RRP15: variants seen among roughly 807,000 people sequenced by gnomAD.
RRP15 encodes the protein ribosomal RNA processing 15 homolog.
RRP15 carries 18 observed loss-of-function variants against 27.1 expected under a neutral mutation model. The observed-to-expected ratio is 0.66, with a 90% CI of 0.46 to 0.98. The LOEUF is 0.98. RRP15 is among the 50% of genes least tolerant of loss of function. The pLI is 0.00. For missense variants in RRP15, 359 were observed against 337.8 expected (o/e 1.06, Z -0.49); for synonymous variants, 107 against 109.4 (o/e 0.98, Z 0.14).
intron 2 of RRP15, among the ~76,000 whole-genome samples, chr1:218,303,007 T>C (rs578076086): frequency 6.6e-6 from 1 of 152,286 alleles, no homozygotes; most frequent in Admixed American, 6.5e-5. Flanking sequence ...ACGGATTATT[T>C]CAGTGTTAGA....
At chr1:218,289,834 C>T (rs1053292210) in intron 1 of RRP15, among the ~76,000 whole-genome samples, 2 of 152,154 alleles carry the variant, frequency 1.3e-5, no homozygotes, top group Non-Finnish European at 2.9e-5. Context: ...AGGCATGCAC[C>T]ACCACACCCA....
intron 4 of RRP15, among the ~76,000 whole-genome samples, chr1:218,307,970 T>A (rs1655927089): frequency 6.6e-6 from 1 of 151,996 alleles, no homozygotes; most frequent in Non-Finnish European, 1.5e-5. Context: ...TCTTTAGTGA[T>A]GTTTGGTTGA....
chr1:218,302,755 A>G, intron 2 of RRP15, 196 bp downstream of exon 2: 1 of 797,866 alleles, frequency 1.3e-6, no homozygotes, highest in East Asian at 2.9e-5. Flanking sequence ...CTTTTTAATC[A>G]TCTATGCAAA....
chr1:218,311,051 A>G (rs1448210566), intron 4 of RRP15, among the ~76,000 whole-genome samples: 1 of 152,088 alleles, frequency 6.6e-6, no homozygotes, highest in Non-Finnish European at 1.5e-5. Context: ...GCCCAGCCGA[A>G]CAAGTCATTT....
intron 3 of RRP15, among the ~76,000 whole-genome samples, chr1:218,305,692 G>C (rs958867075): frequency 5.3e-5 from 8 of 152,184 alleles, no homozygotes; most frequent in African/African-American, 1.9e-4. Flanking sequence ...GGGAGAGTTT[G>C]AGAAGGCATT....
chr1:218,297,040 G>A (rs537593813), intron 1 of RRP15, among the ~76,000 whole-genome samples: 13 of 152,160 alleles, frequency 8.5e-5, no homozygotes, highest in Admixed American at 3.3e-4. Flanking sequence ...TGTGCTAAGC[G>A]CTTTTCATGT....
Position 218,302,522 on chromosome 1 carries a change from A to G in RRP15, c.368A>G (p.Glu123Gly). The G allele has an allele frequency of 6.2e-7, 1 of 1,613,436 alleles. No individual in the cohort carries two copies. Among genetic ancestry groups the G allele is most frequent in the East Asian group, 2.2e-5 (1 of 44,880 alleles). ...VKNKKLEKEKEKLKQERLEKI... is the reference protein window; with the variant it reads ...VKNKKLEKEKGKLKQERLEKI... The stretch of plus-strand genomic sequence containing the variant: ...AATAAGAAGCTGGAAAAGGAAAAAG[A>G]AAAGTTAAAGCAAGAAAGACTAGAG... Residue 123 changes from glutamate (E) to glycine (G), a missense_variant, in exon 2 of 5, where the codon GAA becomes GGA. Coordinates refer to ENST00000366932, the MANE Select transcript of RRP15 (RefSeq NM_016052.4).
At chr1:218,329,237 CAAAAAAAAAAAAAAAA>C (rs1164512474) in intron 4 of RRP15, among the ~76,000 whole-genome samples, 8 of 53,576 alleles carry the variant, frequency 1.5e-4, no homozygotes, top group South Asian at 1.5e-3. Context: ...CCTGTCTCTA[CAAAAAAAAAAAAAAAA>C]AAAAAAAAAA....
chr1:218,309,245 ATTTC>A (rs2102503317), intron 4 of RRP15, among the ~76,000 whole-genome samples: 1 of 152,196 alleles, frequency 6.6e-6, no homozygotes, highest in African/African-American at 2.4e-5. Context: ...ACCCTGACAT[ATTTC>A]TTTCTTTTAA....
Position 218,302,381 on chromosome 1 carries a change from A to C in RRP15, c.227A>C (p.Lys76Thr), listed in dbSNP as rs1655825240. ...DSEGDAEPCD[K>T]ENENDGESSV... ...GAGGGTGATGCTGAGCCCTGTGACA[A>C]AGAAAATGAAAATGATGGAGAATCA... Residue 76 changes from lysine (K) to threonine (T), a missense_variant, in exon 2 of 5, where the codon AAA becomes ACA. Coordinates refer to ENST00000366932, the MANE Select transcript of RRP15 (RefSeq NM_016052.4). The C allele has an allele frequency of 1.2e-6, 2 of 1,614,006 alleles. No individual in the cohort carries two copies. Among genetic ancestry groups the C allele is most frequent in the Non-Finnish European group, 1.7e-6 (2 of 1,180,020 alleles).
rs1461970879 is a variant in RRP15 at position 218,334,765 on chromosome 1, G to A, written c.*3674G>A. On this transcript the variant is annotated 3_prime_UTR_variant, in exon 5 of 5. Coordinates refer to ENST00000366932, the MANE Select transcript of RRP15 (RefSeq NM_016052.4). ...TATTATGGGTATGAAGACTATTTGAGGTGAATTGGCAGTGAGAGCAAATTT... is the reference window on the plus strand; with the variant it reads ...TATTATGGGTATGAAGACTATTTGAAGTGAATTGGCAGTGAGAGCAAATTT... 6.6e-6 allele frequency: 1 copy of A among 152,170 alleles called. No homozygotes were observed. The highest frequency in any genetic ancestry group is 2.4e-5 in the African/African-American group (1 of 41,436). 9.4% of individuals were successfully genotyped at this position (152,170 alleles called of 1,614,324 possible).
rs577153227 is a variant in RRP15 at position 218,314,789 on chromosome 1, G to A, written c.705+7157G>A. ...AGGCTGATCACAAGGTCAGGAGATC[G>A]AAACCATCCTGGCCAACATGGTGAA... On this transcript the variant is annotated intron_variant, in intron 4 of 4. Transcript: ENST00000366932. 4.7e-4 allele frequency among the ~76,000 whole-genome samples: 72 copies of A among 151,792 alleles called. 2 individuals are homozygous for A. In the South Asian group the frequency reaches 0.011, roughly 24 times the overall value.
intron 1 of RRP15, among the ~76,000 whole-genome samples, chr1:218,286,068 C>T (rs1451262509): frequency 1.3e-5 from 2 of 152,162 alleles, no homozygotes; most frequent in African/African-American, 4.8e-5. Flanking sequence ...TTGGCACCAG[C>T]TTATTAGGTT....
intron 4 of RRP15, among the ~76,000 whole-genome samples, chr1:218,321,792 T>A (rs1656191457): frequency 1.3e-5 from 2 of 152,138 alleles, no homozygotes; most frequent in Non-Finnish European, 2.9e-5. Context: ...CAAGCAAGCT[T>A]TTCCGATGAA....
At chr1:218,304,234 G>T (rs977143474) in intron 2 of RRP15, among the ~76,000 whole-genome samples, 7 of 152,132 alleles carry the variant, frequency 4.6e-5, no homozygotes, top group African/African-American at 1.7e-4. Context: ...CTTTATTACT[G>T]GTTTTGATGC....
intron 2 of RRP15, chr1:218,302,788 C>T (rs17047589): frequency 0.033 from 15,849 of 484,362 alleles, 343 homozygotes; most frequent in East Asian, 0.076. Flanking sequence ...GAAATGTAAA[C>T]GCTGAGGAAA....
intron 2 of RRP15, 109 bp downstream of exon 2, chr1:218,302,668 C>T (rs981427143): frequency 4.0e-6 from 6 of 1,492,726 alleles, no homozygotes; most frequent in African/African-American, 1.4e-5. Flanking sequence ...CAGTTTTTAA[C>T]TTGTTTTTTA....
Position 218,337,186 on chromosome 1 carries a change from T to C in RRP15, c.*6095T>C, listed in dbSNP as rs1656462166. 1 of 152,234 alleles carries C rather than the reference T, an allele frequency of 6.6e-6. No homozygotes were observed. Among genetic ancestry groups the C allele is most frequent in the East Asian group, 1.9e-4 (1 of 5,202 alleles). 9.4% of individuals were successfully genotyped at this position (152,234 alleles called of 1,614,324 possible). ...GCGTGTCAAGAGATGTTCTCTCTTATGCATTTGGAGGATTAGGTGCTGCAC... is the reference window on the plus strand; with the variant it reads ...GCGTGTCAAGAGATGTTCTCTCTTACGCATTTGGAGGATTAGGTGCTGCAC... On this transcript the variant is annotated 3_prime_UTR_variant, in exon 5 of 5. Coordinates refer to ENST00000366932, the MANE Select transcript of RRP15 (RefSeq NM_016052.4).
rs544114081 is a variant in RRP15, at chr1:218,335,312, T to C, written c.*4221T>C. 6.6e-6 allele frequency: 1 copy of C among 152,192 alleles called. No homozygotes were observed. The highest frequency in any genetic ancestry group is 1.5e-5 in the Non-Finnish European group (1 of 68,040). The allele number at this position is 152,192 out of a possible 1,614,324, so 9.4% of individuals were successfully genotyped here. A position where few individuals can be genotyped will look rare whatever the true frequency, so the allele number is the denominator to read the frequency against. On this transcript the variant is annotated 3_prime_UTR_variant, in exon 5 of 5. Transcript: ENST00000366932. The stretch of plus-strand genomic sequence containing the variant: ...GTTCCAACATTGCTCACCTTTCTTC[T>C]CCCTCCTTTTTGCCCTCTCCTTCAG...
Sources: gnomAD v4.1 joint callset for allele counts (sites outside exome capture counted in the v4.1 genomes callset) on GRCh38, gnomAD v4.1.1 for gene constraint, MANE v1.5 for transcripts, NCBI Gene and HGNC (gene_info 2026-07-23, HGNC 2026-07-21) for gene names.